The following DISP1 variants were observed in gnomAD, a reference collection of about 807,000 sequenced individuals.
DISP1 encodes the protein dispatched RND transporter family member 1.
In DISP1, 30 loss-of-function variants were observed where a neutral mutation model predicts 37.3. That is an observed-to-expected ratio of 0.80 (90% CI 0.60 to 1.09). The LOEUF is 1.09. Among genes scored for constraint, DISP1 ranks in the 50% least tolerant of loss-of-function variants. The pLI is 0.00. For synonymous variants in DISP1, 634 were observed against 690.2 expected, an observed-to-expected ratio of 0.92 and a Z score of 1.28; for missense variants, 1,598 against 1,879.5, an observed-to-expected ratio of 0.85 and a Z score of 2.77.
At chr1:222,981,989 T>C (rs576525944) in intron 3 of DISP1, among the ~76,000 whole-genome samples, 7 of 152,350 alleles carry the variant, frequency 4.6e-5, no homozygotes, top group East Asian at 1.9e-4. Flanking sequence ...ATATGTACCA[T>C]ATTGGAATCG....
At chr1:222,940,167 T>C (rs1180911726) in intron 2 of DISP1, among the ~76,000 whole-genome samples, 1 of 151,112 alleles carries the variant, frequency 6.6e-6, no homozygotes, top group Non-Finnish European at 1.5e-5. Context: ...TGAGACTGGG[T>C]AATTTATAAA....
At chr1:222,992,132 C>T in intron 7 of DISP1, 22 bp downstream of exon 7, 1 of 1,557,478 alleles carries the variant, frequency 6.4e-7, no homozygotes, top group Non-Finnish European at 8.9e-7. Flanking sequence ...TGTAGATGAA[C>T]AAACCACTCA....
At chr1:222,951,678 G>C (rs1473787097) in intron 3 of DISP1, among the ~76,000 whole-genome samples, 1 of 152,214 alleles carries the variant, frequency 6.6e-6, no homozygotes, top group Non-Finnish European at 1.5e-5. Context: ...TTCAGAGTTA[G>C]TTATTCACTT....
intron 1 of DISP1, among the ~76,000 whole-genome samples, chr1:222,834,023 T>G (rs1666399174): frequency 6.6e-6 from 1 of 152,200 alleles, no homozygotes; most frequent in African/African-American, 2.4e-5. Flanking sequence ...TAGTGTGTCT[T>G]AAGTATCATT....
At chr1:222,890,951 A>G (rs1670906116) in intron 1 of DISP1, among the ~76,000 whole-genome samples, 1 of 151,862 alleles carries the variant, frequency 6.6e-6, no homozygotes, top group African/African-American at 2.4e-5. Flanking sequence ...GACCCACCCT[A>G]CTCCAGTATG....
At chr1:222,953,750 G>A (rs1675396654) in intron 3 of DISP1, among the ~76,000 whole-genome samples, 3 of 152,138 alleles carry the variant, frequency 2.0e-5, no homozygotes, top group Non-Finnish European at 1.5e-5. Flanking sequence ...AAGTCAGCTT[G>A]GCAGTCAGAC....
intron 6 of DISP1, 76 bp downstream of exon 6, chr1:222,991,723 A>G (rs1206783186): frequency 6.8e-7 from 1 of 1,479,632 alleles, no homozygotes; most frequent in Non-Finnish European, 9.2e-7. Flanking sequence ...TACTGCCTAA[A>G]CAAAAAATTT....
intron 1 of DISP1, among the ~76,000 whole-genome samples, chr1:222,825,235 G>C (rs2125178261): frequency 6.6e-6 from 1 of 152,124 alleles, no homozygotes; most frequent in East Asian, 1.9e-4. Flanking sequence ...CCCAACTGTA[G>C]GTTTTAGACA....
At chr1:222,911,472 T>C (rs545804032) in intron 1 of DISP1, among the ~76,000 whole-genome samples, 17 of 152,260 alleles carry the variant, frequency 1.1e-4, no homozygotes, top group African/African-American at 3.1e-4. Flanking sequence ...CTTTTTCCTC[T>C]TTTACAGATG....
chr1:222,979,811 C>T (rs981324040), intron 3 of DISP1: 1 of 316,846 alleles, frequency 3.2e-6, no homozygotes, highest in Admixed American at 3.6e-5. Flanking sequence ...CTGTCTCCTA[C>T]AGCCACACAC....
intron 1 of DISP1, among the ~76,000 whole-genome samples, chr1:222,896,474 G>A (rs868694511): frequency 1.3e-5 from 2 of 151,856 alleles, no homozygotes; most frequent in African/African-American, 4.8e-5. Flanking sequence ...GCTGGTGGGC[G>A]CCTGTAATCC....
chr1:222,914,685 G>A (rs1002889344), intron 1 of DISP1, among the ~76,000 whole-genome samples: 1 of 152,196 alleles, frequency 6.6e-6, no homozygotes, highest in African/African-American at 2.4e-5. Flanking sequence ...TAGGCCAGGT[G>A]TGGTGGCTCA....
chr1:222,822,995 A>C (rs1558277227), intron 1 of DISP1, among the ~76,000 whole-genome samples: 1 of 152,262 alleles, frequency 6.6e-6, no homozygotes, highest in Admixed American at 6.5e-5. Context: ...GAGTTAATTC[A>C]GAATAAATTG....
chr1:222,849,380 G>A lies in DISP1; in HGVS notation c.-159+34302G>A, dbSNP rs117818119. ...CAATTACTGAAACTCTGAGAAGAAC[G>A]AAGTTACTTCTAAACCTAGTATTTA... On this transcript the variant is annotated intron_variant, in intron 1 of 8. Transcript: ENST00000675850. Among the ~76,000 whole-genome samples, 645 of 152,136 alleles carry A rather than the reference G, an allele frequency of 4.2e-3. 14 individuals carry two copies. Among genetic ancestry groups the A allele is most frequent in the Admixed American group, 0.019 (286 of 15,276 alleles).
chr1:222,974,232 T>G (rs1251299577), intron 3 of DISP1, among the ~76,000 whole-genome samples: 1 of 152,146 alleles, frequency 6.6e-6, no homozygotes, highest in Non-Finnish European at 1.5e-5. Context: ...CAACAGTTTA[T>G]AGAAAACTGT....
intron 7 of DISP1, among the ~76,000 whole-genome samples, chr1:222,992,396 A>T (rs1433223457): frequency 6.6e-6 from 1 of 152,214 alleles, no homozygotes; most frequent in East Asian, 1.9e-4. Flanking sequence ...CTTGCCCAAC[A>T]TTTCAAGTCT....
intron 1 of DISP1, among the ~76,000 whole-genome samples, chr1:222,866,160 C>G (rs1234088296): frequency 6.6e-6 from 1 of 151,964 alleles, no homozygotes; most frequent in Non-Finnish European, 1.5e-5. Flanking sequence ...TTGGGGTACT[C>G]TTTTTCCAGT....
At chr1:222,989,525 G>T in intron 4 of DISP1, 1 of 985,428 alleles carries the variant, frequency 1.0e-6, no homozygotes, top group Non-Finnish European at 1.2e-6. Context: ...TCAATTTGAG[G>T]TAACAAATGA....
At position 222,936,763 on chromosome 1, in the gene DISP1, A is replaced by AT. The variant is rs1558339592; in HGVS notation, c.-17-6044_-17-6043insT. Among the ~76,000 whole-genome samples the AT allele has an allele frequency of 4.7e-4, 22 of 46,856 alleles. 1 individual carries two copies. The highest frequency in any genetic ancestry group is 1.3e-3 in the South Asian group (1 of 758). 30.7% of individuals were successfully genotyped at this position (46,856 alleles called of 152,430 possible). On this transcript the variant is annotated intron_variant, in intron 2 of 8. Transcript: ENST00000675850. ...ATTATATATCATATATATGATATAT[A>AT]AAAATTATATATATCATATATAATA... is the stretch of plus-strand genomic sequence containing the variant.
Sources: allele counts gnomAD v4.1 joint callset (sites outside exome capture counted in the v4.1 genomes callset), GRCh38; gene constraint gnomAD v4.1.1; transcripts MANE v1.5; gene names NCBI Gene and HGNC (gene_info 2026-07-23, HGNC 2026-07-21).